NMT2: variants seen among roughly 807,000 people sequenced by gnomAD.
NMT2 encodes the protein glycylpeptide N-tetradecanoyltransferase 2.
In NMT2, 35 loss-of-function variants were observed where a neutral mutation model predicts 65.4. The observed-to-expected ratio is 0.54, with a 90% confidence interval of 0.41 to 0.71. The LOEUF is 0.71. Among genes scored for constraint, NMT2 ranks in the 30% least tolerant of loss-of-function variants. The pLI is 0.00. For missense variants in NMT2, 489 were observed against 611.3 expected (o/e 0.80, Z 2.11); for synonymous variants, 226 against 231.8 (o/e 0.98, Z 0.23).
rs141284214 is a variant in NMT2, at chr10:15,137,082, A to G, written c.247-1664T>C. 5.6e-3 allele frequency among the ~76,000 whole-genome samples: 854 copies of G among 152,314 alleles called. 6 individuals carry two copies. Among genetic ancestry groups the G allele is most frequent in the Middle Eastern group, 0.021 (6 of 292 alleles). On this transcript the variant is annotated intron_variant, in intron 2 of 11. Transcript: ENST00000378165. ...CACAGGGTGGACACCATTGAAAGGTACAATCGACCCTTAGAAGTTTATAAA... is the reference window on the plus strand; with the variant it reads ...CACAGGGTGGACACCATTGAAAGGTGCAATCGACCCTTAGAAGTTTATAAA...
chr10:15,151,845 T>C (rs1832815999), intron 1 of NMT2, among the ~76,000 whole-genome samples: 2 of 151,482 alleles, frequency 1.3e-5, no homozygotes, highest in African/African-American at 4.9e-5. Context: ...GCCAACATGG[T>C]GAAACCCCGT....
At chr10:15,132,000 G>A (rs1374410830) in intron 6 of NMT2, among the ~76,000 whole-genome samples, 3 of 151,984 alleles carry the variant, frequency 2.0e-5, no homozygotes, top group African/African-American at 7.3e-5. Context: ...CAAATAGCTA[G>A]GATTACAGGC....
intron 7 of NMT2, among the ~76,000 whole-genome samples, chr10:15,129,663 TGGAATAG>T (rs1445044875): frequency 2.0e-5 from 3 of 152,136 alleles, no homozygotes; most frequent in Non-Finnish European, 4.4e-5. Context: ...ATCTTTCACA[TGGAATAG>T]ACTTAGAAGT....
intron 8 of NMT2, among the ~76,000 whole-genome samples, chr10:15,121,380 T>C (rs1288736647): frequency 6.6e-6 from 1 of 152,228 alleles, no homozygotes; most frequent in Non-Finnish European, 1.5e-5. Flanking sequence ...ACAGGTGTTT[T>C]TTTTGAGACG....
chr10:15,127,565 A>AT (rs1564568374), intron 8 of NMT2, among the ~76,000 whole-genome samples: 15 of 96,530 alleles, frequency 1.6e-4, no homozygotes, highest in African/African-American at 1.9e-4. Flanking sequence ...AAAAAAAAAA[A>AT]AAAAATAAAT....
In NMT2 at chr10:15,135,317, C is replaced by A; in HGVS notation, c.348G>T (p.Lys116Asn). 6.2e-7 allele frequency: 1 copy of A among 1,614,122 alleles called. No individual in the cohort carries two copies. Among genetic ancestry groups the A allele is most frequent in the Non-Finnish European group, 8.5e-7 (1 of 1,180,028 alleles). ...GPARNIDEAA[K>N]HRYQFWDTQP... ...GTGTGTCCCAAAACTGGTATCTGTG[C>A]TTTGCAGCCTCATCAATGTTCCTGG... Residue 116 changes from lysine to asparagine, a missense_variant, in exon 3 of 12, where the codon AAG (lysine) becomes AAT (asparagine). By Grantham distance (94) the Lys-to-Asn change is moderately conservative (BLOSUM62 0). Coordinates refer to ENST00000378165, the MANE Select transcript of NMT2 (RefSeq NM_004808.3).
rs1377506285 is a variant in NMT2 at position 15,149,314 on chromosome 10, CCAT to C, written c.111-7760_111-7758del. On this transcript the variant is annotated intron_variant, in intron 1 of 11. Coordinates refer to ENST00000378165, the MANE Select transcript of NMT2 (RefSeq NM_004808.3). ...ATCACTGCCACCATCATCACCATCACCATCATCACCACCATCACATCATCATCA... is the reference window on the plus strand; with the variant it reads ...ATCACTGCCACCATCATCACCATCACCATCACCACCATCACATCATCATCA... Among the ~76,000 whole-genome samples, 619 of 151,088 alleles carry C rather than the reference CCAT, an allele frequency of 4.1e-3. 4 individuals carry two copies. The highest frequency in any genetic ancestry group is 0.014 in the African/African-American group (581 of 40,892).
chr10:15,164,342 A>G (rs1833306141), intron 1 of NMT2, among the ~76,000 whole-genome samples: 1 of 152,162 alleles, frequency 6.6e-6, no homozygotes, highest in Non-Finnish European at 1.5e-5. Flanking sequence ...TATTGAGGGA[A>G]AAGCTCTCTT....
At position 15,107,288 on chromosome 10, in the gene NMT2, A is replaced by G. The variant is rs557445921; in HGVS notation, c.*1907T>C. The G allele has an allele frequency of 2.7e-5, 25 of 920,376 alleles. No homozygotes were observed. Among genetic ancestry groups the G allele is most frequent in the South Asian group, 1.5e-4 (3 of 20,036 alleles). 57.0% of individuals were successfully genotyped at this position (920,376 alleles called of 1,614,324 possible). A position where few individuals can be genotyped will look rare whatever the true frequency, so the allele number is the denominator to read the frequency against. ...CCTGTGGGCTACACAAAAATAAGCAATGGGCTGGATTTAGCCCACAGGCCA... is the reference window on the plus strand; with the variant it reads ...CCTGTGGGCTACACAAAAATAAGCAGTGGGCTGGATTTAGCCCACAGGCCA... On this transcript the variant is annotated 3_prime_UTR_variant, in exon 12 of 12. Coordinates refer to ENST00000378165, the MANE Select transcript of NMT2 (RefSeq NM_004808.3).
rs1281451362 is a variant in NMT2 at position 15,107,896 on chromosome 10, A to G, written c.*1299T>C. The G allele has an allele frequency of 1.0e-6, 1 of 985,446 alleles. No individual in the cohort carries two copies. The highest frequency in any genetic ancestry group is 1.1e-4 in the East Asian group (1 of 8,826). The allele number at this position is 985,446 out of a possible 1,614,324, so 61.0% of individuals were successfully genotyped here. Reference sequence around the variant, plus strand: ...TTTCAAATTCTAGATTAAAAACACCATCAGTAACAAAATTATGAATACTTA... The same window carrying G: ...TTTCAAATTCTAGATTAAAAACACCGTCAGTAACAAAATTATGAATACTTA... On this transcript the variant is annotated 3_prime_UTR_variant, in exon 12 of 12. Coordinates refer to ENST00000378165, the MANE Select transcript of NMT2 (RefSeq NM_004808.3).
At position 15,139,061 on chromosome 10, in the gene NMT2, T is replaced by C. The variant is rs1232010326; in HGVS notation, c.246+2361A>G. Among the ~76,000 whole-genome samples, 4 of 151,876 alleles carry C rather than the reference T, an allele frequency of 2.6e-5. No homozygotes were observed. In the East Asian group the frequency reaches 7.7e-4, roughly 29 times the overall value. On this transcript the variant is annotated intron_variant, in intron 2 of 11. Transcript: ENST00000378165. ...GCTAGGATACAAGCAGGCAGAAAAA[T>C]GTGAAAAGAGAGACTGGCCTAGCCT...
chr10:15,130,173 C>T lies in NMT2; in HGVS notation c.859G>A (p.Val287Met), dbSNP rs1479825392. The change falls in exon 7 of 12, where the codon GTG (valine) becomes ATG (methionine). Residue 287 changes from valine (V) to methionine (M), a missense_variant. Coordinates refer to ENST00000378165, the MANE Select transcript of NMT2 (RefSeq NM_004808.3). ...GTGGCTATGGGCTTAGGAAGAACCACTCCCGCGGTGTACACAGCCTGGAAG... is the reference window on the plus strand; with the variant it reads ...GTGGCTATGGGCTTAGGAAGAACCATTCCCGCGGTGTACACAGCCTGGAAG... ...GIFQAVYTAG[V>M]VLPKPIATCR... is the part of the protein sequence containing the mutation. The T allele has an allele frequency of 6.3e-7, 1 of 1,588,404 alleles. No individual in the cohort carries two copies. Among genetic ancestry groups the T allele is most frequent in the Non-Finnish European group, 8.6e-7 (1 of 1,166,454 alleles).
At chr10:15,161,427 C>T (rs1161618912) in intron 1 of NMT2, among the ~76,000 whole-genome samples, 3 of 152,190 alleles carry the variant, frequency 2.0e-5, no homozygotes, top group African/African-American at 4.8e-5. Context: ...TCTCGACTCA[C>T]TGCAACCTCC....
At chr10:15,163,149 G>A (rs574759404) in intron 1 of NMT2, among the ~76,000 whole-genome samples, 3 of 152,036 alleles carry the variant, frequency 2.0e-5, no homozygotes, top group Non-Finnish European at 4.4e-5. Flanking sequence ...TTGGCCTCAA[G>A]CGATCCTCCA....
chr10:15,138,507 T>C, intron 2 of NMT2: 1 of 470,960 alleles, frequency 2.1e-6, no homozygotes, highest in South Asian at 1.5e-5. Flanking sequence ...CTTCCCACGA[T>C]TCCACTCCTA....
chr10:15,168,456 G>A, intron 1 of NMT2, 47 bp downstream of exon 1: 1 of 1,403,390 alleles, frequency 7.1e-7, no homozygotes, highest in Non-Finnish European at 9.9e-7. Context: ...CGTGGCGCGC[G>A]CGGTCCCCGC....
intron 2 of NMT2, among the ~76,000 whole-genome samples, chr10:15,139,971 G>A (rs1195980674): frequency 1.4e-5 from 2 of 144,522 alleles, no homozygotes; most frequent in African/African-American, 5.0e-5. Flanking sequence ...CCTCAAGATC[G>A]AACTGCGAGT....
intron 2 of NMT2, among the ~76,000 whole-genome samples, chr10:15,139,224 T>C (rs1846633040): frequency 6.6e-6 from 1 of 152,038 alleles, no homozygotes; most frequent in Non-Finnish European, 1.5e-5. Flanking sequence ...CTTATGATCA[T>C]GTGAATTAAT....
At chr10:15,109,595 A>G (rs1188570715) in intron 11 of NMT2, 107 bp downstream of exon 11, 6 of 872,042 alleles carry the variant, frequency 6.9e-6, no homozygotes, top group Non-Finnish European at 9.6e-6. Flanking sequence ...ATAAATAAAT[A>G]AAATGAACAA....
Sources: gnomAD v4.1 joint callset for allele counts (sites outside exome capture counted in the v4.1 genomes callset) on GRCh38, gnomAD v4.1.1 for gene constraint, MANE v1.5 for transcripts, NCBI Gene and HGNC (gene_info 2026-07-23, HGNC 2026-07-21) for gene names.